Variants in PTCH1 observed in about 807,000 individuals in gnomAD.
The protein encoded by PTCH1 is patched 1, also known as protein patched homolog 1.
Under a neutral mutation model 144.6 loss-of-function variants are expected in PTCH1, and 14 were observed. The ratio of observed to expected loss-of-function variants is 0.10; its 90% CI spans 0.06 to 0.15. The LOEUF (loss-of-function observed/expected upper bound fraction) is 0.15. Among genes scored for constraint, PTCH1 ranks in the 10% least tolerant of loss-of-function variants. The pLI is 1.00. For missense variants in PTCH1, 1,623 were observed against 1,948.3 expected (o/e 0.83, Z 3.14); for synonymous variants, 833 against 793.6 (o/e 1.05, Z -0.83).
At chr9:95,446,513 C>T in intron 23 of PTCH1, 122 bp from the exon 24 acceptor site, 1 of 465,716 alleles carries the variant, frequency 2.1e-6, no homozygotes, top group South Asian at 1.6e-5. Context: ...GGGGTGTGGG[C>T]CTGAGGTGTC....
rs572616926 is a variant in PTCH1 at position 95,450,049 on chromosome 9, C to A, written c.3450-109G>T. 4.8e-5 allele frequency: 48 copies of A among 991,790 alleles called. No individual in the cohort carries two copies. The African/African-American group carries it at 6.9e-4, about 14-fold the overall frequency. The allele number at this position is 991,790 out of a possible 1,614,324, so 61.4% of individuals were successfully genotyped here. On this transcript the variant is annotated intron_variant, in intron 20 of 23. Transcript: ENST00000331920. ...CAACGCCAGAAATGAACAAAACCCACCCCACTGAAAAGGCTGTTATCCAAC... is the reference window on the plus strand; with the variant it reads ...CAACGCCAGAAATGAACAAAACCCAACCCACTGAAAAGGCTGTTATCCAAC...
intron 20 of PTCH1, chr9:95,450,830 A>T (rs1459974515): frequency 6.6e-6 from 1 of 152,236 alleles, no homozygotes; most frequent in Non-Finnish European, 1.5e-5. Flanking sequence ...AAGGTCTGGA[A>T]TCCTTCATGA....
At chr9:95,509,610 C>G (rs1257460089), upstream of PTCH1, among the ~76,000 whole-genome samples, 3 of 152,172 alleles carry the variant, frequency 2.0e-5, no homozygotes, top group African/African-American at 7.2e-5. Flanking sequence ...CACACGCGCG[C>G]GCACGCACAC....
intron 2 of PTCH1, among the ~76,000 whole-genome samples, chr9:95,501,500 C>A (rs1357874333): frequency 6.6e-6 from 1 of 151,150 alleles, no homozygotes; most frequent in Non-Finnish European, 1.5e-5. Context: ...TTACACATAC[C>A]AAGCATGTAT....
chr9:95,447,534 T>A lies in PTCH1; in HGVS notation c.3805-83A>T, dbSNP rs1001653583. 36 of 1,413,884 alleles carry A rather than the reference T, an allele frequency of 2.5e-5. 1 individual carries two copies. Among genetic ancestry groups the A allele is most frequent in the Non-Finnish European group, 3.0e-5 (32 of 1,056,884 alleles). The allele number at this position is 1,413,884 out of a possible 1,614,324, so 87.6% of individuals were successfully genotyped here. A position where few individuals can be genotyped will look rare whatever the true frequency, so the allele number is the denominator to read the frequency against. The stretch of plus-strand genomic sequence containing the variant: ...CAGCTCCCACACTTCCCTCCTTGGG[T>A]TTCACCAAAGACTCAGTCAACCCTG... On this transcript the variant is annotated intron_variant, in intron 22 of 23. Transcript: ENST00000331920.
intron 19 of PTCH1, among the ~76,000 whole-genome samples, chr9:95,455,647 G>GA (rs1212800097): frequency 6.6e-6 from 1 of 152,090 alleles, no homozygotes; most frequent in Non-Finnish European, 1.5e-5. Flanking sequence ...AAAAGAGAGG[G>GA]AAAAAAATGT....
At chr9:95,470,050 T>A in intron 12 of PTCH1, 119 bp from the exon 13 acceptor site, 1 of 793,186 alleles carries the variant, frequency 1.3e-6, no homozygotes, top group Non-Finnish European at 2.2e-6. Flanking sequence ...TTGAAGCATT[T>A]GAAACCGTGA....
At chr9:95,471,082 CAAAAAAAA>C (rs767837358) in intron 12 of PTCH1, among the ~76,000 whole-genome samples, 2 of 126,722 alleles carry the variant, frequency 1.6e-5, no homozygotes, top group African/African-American at 5.5e-5. Flanking sequence ...GAGTCTGTCT[CAAAAAAAA>C]AAAAGAAAGA....
intron 9 of PTCH1, among the ~76,000 whole-genome samples, 155 bp downstream of exon 9, chr9:95,477,900 C>G (rs562869088): frequency 2.5e-4 from 38 of 152,336 alleles, no homozygotes; most frequent in African/African-American, 8.9e-4. Context: ...ATGCTTTACA[C>G]GACCACTTTT....
intron 12 of PTCH1, among the ~76,000 whole-genome samples, chr9:95,473,810 G>A (rs1329334077): frequency 6.6e-6 from 1 of 152,168 alleles, no homozygotes; most frequent in Non-Finnish European, 1.5e-5. Flanking sequence ...CCAAAGTGCT[G>A]GGATTACAGG....
chr9:95,467,297 T>C lies in PTCH1; in HGVS notation c.2379A>G (p.Ala793=), dbSNP rs140673214. 2.5e-6 allele frequency: 4 copies of C among 1,614,110 alleles called. No homozygotes were observed. The highest frequency in any genetic ancestry group is 1.3e-5 in the African/African-American group (1 of 74,936). ...RETREYDFIA[A]QFKYFSFYNM... ...TGTAGAAAGAAAAGTATTTGAATTGTGCAGCAATAAAGTCATATTCTCTGG... is the reference window on the plus strand; with the variant it reads ...TGTAGAAAGAAAAGTATTTGAATTGCGCAGCAATAAAGTCATATTCTCTGG... The change falls in exon 15 of 24, where the codon GCA becomes GCG. Residue 793 remains alanine, a synonymous_variant. Coordinates refer to ENST00000331920, the MANE Select transcript of PTCH1 (RefSeq NM_000264.5).
Position 95,461,308 on chromosome 9 carries a change from C to T in PTCH1, c.2703+548G>A, listed in dbSNP as rs183250452. On this transcript the variant is annotated intron_variant, in intron 16 of 23. Transcript: ENST00000331920. The stretch of plus-strand genomic sequence containing the variant: ...CTCTGATTCCAAGGGTGCACATTTC[C>T]GTTTGCTTCACTCATCACAGAGCGA... 9.1e-4 allele frequency among the ~76,000 whole-genome samples: 138 copies of T among 152,218 alleles called. 1 individual carries two copies. The highest frequency in any genetic ancestry group is 6.8e-3 in the Middle Eastern group (2 of 294).
rs1841222850 is a variant in PTCH1 at position 95,478,101 on chromosome 9, A to G, written c.1301T>C (p.Phe434Ser). Residue 434 changes from phenylalanine (F) to serine (S), a missense_variant, in exon 9 of 24, where the codon TTC becomes TCC. Transcript: ENST00000331920. ...TTTLDDILKS[F>S]SDVSVIRVAS... ...CACGCGGATGACACTGACGTCAGAG[A>G]AGGATTTCAGGATGTCGTCCAGGGT... 1 of 1,614,186 alleles carries G rather than the reference A, an allele frequency of 6.2e-7. No homozygotes were observed. The highest frequency in any genetic ancestry group is 1.1e-5 in the South Asian group (1 of 91,088).
rs2136582567 is a variant in PTCH1, at chr9:95,447,356, C to T, written c.3900G>A (p.Gln1300=). 1 of 1,613,426 alleles carries T rather than the reference C, an allele frequency of 6.2e-7. No homozygotes were observed. Among genetic ancestry groups the T allele is most frequent in the Non-Finnish European group, 8.5e-7 (1 of 1,179,898 alleles). ...SGSLPPGRQG[Q]QPRRDPPREG... is the part of the protein sequence containing the mutation. ...CTCTGGGGGGGTCCCTGCGGGGCTG[C>T]TGGCCTTGCCGTCCGGGAGGCAGGG... The change falls in exon 23 of 24, where the codon CAG becomes CAA. Residue 1300 remains glutamine, a synonymous_variant. Transcript: ENST00000331920.
chr9:95,508,846 T>G lies in PTCH1; in HGVS notation c.-485A>C. ...GCTGGCTCTCTCGGCGCCTCCCGGGTCGCCCGAGCGGCCGCGGAGGGCAAG... is the reference window on the plus strand; with the variant it reads ...GCTGGCTCTCTCGGCGCCTCCCGGGGCGCCCGAGCGGCCGCGGAGGGCAAG... On this transcript the variant is annotated 5_prime_UTR_variant, in exon 1 of 24. Transcript: ENST00000331920. 2.0e-6 allele frequency: 2 copies of G among 978,696 alleles called. No individual in the cohort carries two copies. The highest frequency in any genetic ancestry group is 9.6e-5 in the South Asian group (2 of 20,818). 60.6% of individuals were successfully genotyped at this position (978,696 alleles called of 1,614,324 possible).
At position 95,447,225 on chromosome 9, in the gene PTCH1, G is replaced by A. The variant is rs1060502289; in HGVS notation, c.4031C>T (p.Ala1344Val). ...SNRARWGPRG[A>V]RSHNPRNPAS... ...TGGGTTCCGAGGGTTGTGAGAACGG[G>A]CCCCGCGAGGGCCCCAGCGGGCCCT... is the stretch of plus-strand genomic sequence containing the variant. The change falls in exon 23 of 24, where the codon GCC becomes GTC. Residue 1344 changes from alanine to valine, a missense_variant. Transcript: ENST00000331920. The A allele has an allele frequency of 6.2e-7, 1 of 1,611,570 alleles. No individual in the cohort carries two copies. Among genetic ancestry groups the A allele is most frequent in the Non-Finnish European group, 8.5e-7 (1 of 1,178,588 alleles).
intron 15 of PTCH1, among the ~76,000 whole-genome samples, chr9:95,464,128 A>C (rs1564027285): frequency 6.6e-6 from 1 of 152,108 alleles, no homozygotes; most frequent in Non-Finnish European, 1.5e-5. Flanking sequence ...GGTGCCATTC[A>C]CTCTACTGGG....
At chr9:95,488,129 A>C (rs775217095) in intron 2 of PTCH1, among the ~76,000 whole-genome samples, 43 of 152,230 alleles carry the variant, frequency 2.8e-4, no homozygotes, top group Non-Finnish European at 5.3e-4. Flanking sequence ...ATTTTATCAC[A>C]GGGTGTTTCA....
At chr9:95,506,697 C>A in intron 1 of PTCH1, 98 bp from the exon 2 acceptor site, 1 of 1,183,466 alleles carries the variant, frequency 8.4e-7, no homozygotes, top group South Asian at 2.6e-5. Flanking sequence ...CCCCAACAGC[C>A]GTGGGGGCGC....
Sources: gnomAD v4.1 joint callset for allele counts (sites outside exome capture counted in the v4.1 genomes callset) on GRCh38, gnomAD v4.1.1 for gene constraint, MANE v1.5 for transcripts, NCBI Gene and HGNC (gene_info 2026-07-23, HGNC 2026-07-21) for gene names.